COL6A2: variants seen among roughly 807,000 people sequenced by gnomAD.
COL6A2 encodes collagen type VI alpha 2 chain, also known as collagen alpha-2(VI) chain.
A neutral mutation model predicts 124.9 loss-of-function variants in COL6A2; 90 were observed. The ratio of observed to expected loss-of-function variants is 0.72; its 90% CI spans 0.61 to 0.86. The LOEUF is 0.86. Ranked by LOEUF, COL6A2 falls within the 40% of genes least tolerant of loss-of-function variation. COL6A2 has a pLI of 0.00. For missense variants in COL6A2, 1,607 were observed against 1,502.5 expected, an observed-to-expected ratio of 1.07 and a Z score of -1.15; for synonymous variants, 793 against 618.2, an observed-to-expected ratio of 1.28 and a Z score of -4.19.
At chr21:46,126,840 G>A (rs77102533) in intron 27 of COL6A2, among the ~76,000 whole-genome samples, 2 of 152,176 alleles carry the variant, frequency 1.3e-5, no homozygotes, top group African/African-American at 4.8e-5. Flanking sequence ...CATGGGCCTT[G>A]CAGTCTCCCT....
intron 5 of COL6A2, among the ~76,000 whole-genome samples, chr21:46,115,158 T>TG (rs560464898): frequency 2.0e-4 from 31 of 152,228 alleles, no homozygotes; most frequent in African/African-American, 2.2e-4. Context: ...CCCGTTCTGT[T>TG]GGGGGGGCCA....
At position 46,113,857 on chromosome 21, in the gene COL6A2, C is replaced by G. The variant is rs1473101142; in HGVS notation, c.736-151C>G. ...GAGCCTCACAGCACCCCATGTCTCA[C>G]AGCTCCCTCACGCCCGCCCAGGTTC... On this transcript the variant is annotated intron_variant, in intron 4 of 27. Coordinates refer to ENST00000300527, the MANE Select transcript of COL6A2 (RefSeq NM_001849.4). 5 of 712,276 alleles carry G rather than the reference C, an allele frequency of 7.0e-6. No individual in the cohort carries two copies. In the East Asian group the frequency reaches 1.3e-4, roughly 19 times the overall value. The allele number at this position is 712,276 out of a possible 1,614,324, so 44.1% of individuals were successfully genotyped here.
rs368896212 is a variant in COL6A2, at chr21:46,129,317, G to A, written c.2462-2637G>A. 46 of 1,612,918 alleles carry A rather than the reference G, an allele frequency of 2.9e-5. 1 individual carries two copies. The Admixed American group carries it at 5.0e-4, about 18-fold the overall frequency. On this transcript the variant is annotated intron_variant, in intron 27 of 27. Coordinates refer to ENST00000300527, the MANE Select transcript of COL6A2 (RefSeq NM_001849.4). Reference sequence around the variant, plus strand: ...AGTTGCTAAACGCCACGGAGCTCACGCAGGACCCGGCCGCCTACTCCCAGC... The same window carrying A: ...AGTTGCTAAACGCCACGGAGCTCACACAGGACCCGGCCGCCTACTCCCAGC...
At chr21:46,112,862 A>C (rs775975780) in intron 4 of COL6A2, 38 bp downstream of exon 4, 1 of 1,612,928 alleles carries the variant, frequency 6.2e-7, no homozygotes, top group African/African-American at 1.3e-5. Context: ...GCTGGCCGGC[A>C]GCTGACCCAG....
At chr21:46,118,721 C>T (rs751909550) in intron 13 of COL6A2, 45 bp downstream of exon 13, 1 of 1,577,328 alleles carries the variant, frequency 6.3e-7, no homozygotes, top group Non-Finnish European at 8.6e-7. Context: ...TGGCCACACT[C>T]ACGCCCATGG....
At chr21:46,124,739 C>A in intron 22 of COL6A2, 26 bp downstream of exon 22, 1 of 1,610,760 alleles carries the variant, frequency 6.2e-7, no homozygotes, top group Non-Finnish European at 8.5e-7. Context: ...GTCCCCATGC[C>A]CTCCCCCCAA....
intron 4 of COL6A2, chr21:46,113,642 C>T (rs181072520): frequency 5.4e-6 from 2 of 373,094 alleles, no homozygotes; most frequent in East Asian, 1.2e-4. Context: ...CCAGCCTGGT[C>T]TCTAACTCCT....
intron 16 of COL6A2, 130 bp downstream of exon 16, chr21:46,120,707 G>GT (rs2078551742): frequency 7.8e-6 from 7 of 900,942 alleles, no homozygotes; most frequent in Admixed American, 2.9e-5. Flanking sequence ...GCACCCCAAG[G>GT]TAAGGGGGGC....
rs1193021794 is a variant in COL6A2, at chr21:46,125,979, A to T, written c.2164A>T (p.Lys722Ter). The change falls in exon 26 of 28, where the codon AAG becomes TAG. Residue 722 changes from lysine (K) to a stop codon, truncating the protein, a stop_gained. Transcript: ENST00000300527. LOFTEE classifies it high-confidence loss of function. ...CCTCATCAAGGAGAGCCGGCGCCAGAAGACACGTGTGTTTGCGGTGGTCAT... is the reference window on the plus strand; with the variant it reads ...CCTCATCAAGGAGAGCCGGCGCCAGTAGACACGTGTGTTTGCGGTGGTCAT... ...DRLIKESRRQKTRVFAVVITD... is the reference protein window; with the variant it reads ...DRLIKESRRQ 5 of 1,613,070 alleles carry T rather than the reference A, an allele frequency of 3.1e-6. No individual in the cohort carries two copies. The highest frequency in any genetic ancestry group is 3.4e-6 in the Non-Finnish European group (4 of 1,179,888).
chr21:46,121,650 G>C lies in COL6A2; in HGVS notation c.1521+32G>C, dbSNP rs200442233. The C allele has an allele frequency of 4.5e-5, 72 of 1,609,542 alleles. 1 individual carries two copies. The East Asian group carries it at 7.8e-4, about 17-fold the overall frequency. ...GCCCCTCCCCCAGCAGGACGTATTA[G>C]GGGTTCGGGGCAGCTGCCTGAGGAG... On this transcript the variant is annotated intron_variant, in intron 18 of 27. Coordinates refer to ENST00000300527, the MANE Select transcript of COL6A2 (RefSeq NM_001849.4).
rs528087300 is a variant in COL6A2, at chr21:46,121,114, C to G, written c.1449C>G (p.Pro483=). ...PRGPQGALGE[P]GKQGSRGDPG... The stretch of plus-strand genomic sequence containing the variant: ...GCCCCCAGGGAGCTCTTGGGGAGCC[C>G]GGAAAGCAGGTCAGTGTCAGTGCAG... Residue 483 remains proline (P), a synonymous_variant, in exon 17 of 28, where the codon CCC becomes CCG. Coordinates refer to ENST00000300527, the MANE Select transcript of COL6A2 (RefSeq NM_001849.4). The G allele has an allele frequency of 1.9e-6, 3 of 1,612,610 alleles. No individual in the cohort carries two copies. The highest frequency in any genetic ancestry group is 2.2e-5 in the South Asian group (2 of 91,088).
Position 46,126,243 on chromosome 21 carries a change from C to A in COL6A2, c.2422+6C>A. On this transcript the variant is annotated splice_donor_region_variant and intron_variant, in intron 26 of 27. Transcript: ENST00000300527. ...GGAGGACGTCCTCTGCCCGGGTGAG[C>A]GTGTGGGCGCGGGGCAGTCGGCCGA... The A allele has an allele frequency of 6.3e-7, 1 of 1,597,898 alleles. No individual in the cohort carries two copies. The highest frequency in any genetic ancestry group is 8.5e-7 in the Non-Finnish European group (1 of 1,178,262).
Position 46,125,460 on chromosome 21 carries a change from C to G in COL6A2, c.1817-5C>G. The G allele has an allele frequency of 6.2e-7, 1 of 1,612,886 alleles. No individual in the cohort carries two copies. Among genetic ancestry groups the G allele is most frequent in the Non-Finnish European group, 8.5e-7 (1 of 1,179,928 alleles). On this transcript the variant is annotated splice_region_variant and splice_polypyrimidine_tract_variant and intron_variant, in intron 24 of 27. Transcript: ENST00000300527. ...TACCCCCCGATGACCCTGCCACCCC[C>G]CCAGACTGTGAGAAGCGCTGTGGCG...
intron 26 of COL6A2, 27 bp from the exon 27 acceptor site, chr21:46,126,476 T>TGGCCCAGCCCGGCCC: frequency 3.1e-6 from 5 of 1,611,510 alleles, no homozygotes; most frequent in Non-Finnish European, 4.2e-6. Flanking sequence ...GACCCTGGCC[T>TGGCCCAGCCCGGCCC]GGCCCGGCCT....
chr21:46,117,931 G>A lies in COL6A2; in HGVS notation c.1111G>A (p.Gly371Ser), dbSNP rs768542626. Residue 371 changes from glycine (G) to serine (S), a missense_variant, in exon 12 of 28, where the codon GGC (glycine) becomes AGC (serine). Gly to Ser is a moderately conservative substitution (Grantham distance 56, BLOSUM62 0). Around this residue, in one of 3 missense-constraint regions of COL6A2, gnomAD observed 1,223 missense variants for 1,052.2 expected, o/e 1.16. Coordinates refer to ENST00000300527, the MANE Select transcript of COL6A2 (RefSeq NM_001849.4). ...GSPGERGDQG[G>S]KGDPGRPGRR... is the part of the protein sequence containing the mutation. ...TCCAGGGGAGCGAGGAGACCAAGGCGGCAAGGTAAGTGGCCTTGTCAGGGT... is the reference window on the plus strand; with the variant it reads ...TCCAGGGGAGCGAGGAGACCAAGGCAGCAAGGTAAGTGGCCTTGTCAGGGT... The A allele has an allele frequency of 1.9e-5, 30 of 1,612,228 alleles. No homozygotes were observed. Among genetic ancestry groups the A allele is most frequent in the African/African-American group, 6.7e-5 (5 of 74,906 alleles).
At chr21:46,126,409 C>G in intron 26 of COL6A2, 94 bp from the exon 27 acceptor site, 1 of 1,565,838 alleles carries the variant, frequency 6.4e-7, no homozygotes, top group Non-Finnish European at 8.8e-7. Context: ...AGGCCAGCTG[C>G]ACCCTGAGCC....
chr21:46,102,706 A>ATTT (rs35972772), intron 1 of COL6A2, among the ~76,000 whole-genome samples: 3 of 147,186 alleles, frequency 2.0e-5, no homozygotes, highest in Non-Finnish European at 3.0e-5. Context: ...ACATTGATTG[A>ATTT]TTTTTTTTTT....
chr21:46,130,054 CGTG>C (rs1251133684), intron 27 of COL6A2, among the ~76,000 whole-genome samples: 2 of 152,152 alleles, frequency 1.3e-5, no homozygotes, highest in African/African-American at 4.8e-5. Flanking sequence ...CATGGTGACT[CGTG>C]GGCGCTCACG....
Position 46,116,923 on chromosome 21 carries a change from G to GCGTACA in COL6A2, c.999+110_999+111insGTACAC, listed in dbSNP as rs1282230779. On this transcript the variant is annotated intron_variant, in intron 10 of 27. Coordinates refer to ENST00000300527, the MANE Select transcript of COL6A2 (RefSeq NM_001849.4). The surrounding 1 kb of genome is among the most constrained non-coding windows in gnomAD (Gnocchi z 4.6). The stretch of plus-strand genomic sequence containing the variant: ...TGTCAGCTTACACATGTGTACACAC[G>GCGTACA]CATACACACACACACACACACACAC... 3.6e-5 allele frequency: 23 copies of GCGTACA among 643,242 alleles called. No individual in the cohort carries two copies. Among genetic ancestry groups the GCGTACA allele is most frequent in the Non-Finnish European group, 4.7e-5 (19 of 401,786 alleles). 39.8% of individuals were successfully genotyped at this position (643,242 alleles called of 1,614,324 possible).
Sources: gnomAD v4.1 joint callset for allele counts (sites outside exome capture counted in the v4.1 genomes callset) on GRCh38, gnomAD v4.1.1 for gene constraint, gnomAD v4.1.1 regional missense constraint, Gnocchi (gnomAD v3.1) non-coding constraint, MANE v1.5 for transcripts, NCBI Gene and HGNC (gene_info 2026-07-23, HGNC 2026-07-21) for gene names.